Variants in RP1L1 observed in about 807,000 individuals in gnomAD.
RP1L1 encodes the protein RP1 like 1, also known as retinitis pigmentosa 1-like 1 protein.
In RP1L1, 27 loss-of-function variants were observed where a neutral mutation model predicts 15.7. The observed-to-expected ratio is 1.72, with a 90% CI of 1.27 to 2.38. The LOEUF (loss-of-function observed/expected upper bound fraction) is 2.38. RP1L1 is among the 30% of genes most tolerant of loss of function. The pLI, the probability that RP1L1 is intolerant of heterozygous loss-of-function variation, is 0.00. For missense variants in RP1L1, 4,798 were observed against 3,075.9 expected, an observed-to-expected ratio of 1.56 and a Z score of -13.24; for synonymous variants, 1,813 against 1,276.7, an observed-to-expected ratio of 1.42 and a Z score of -8.96.
rs201130197 is a variant in RP1L1, at chr8:10,633,657, AC to A, written c.-19-10438del. Among the ~76,000 whole-genome samples, 985 of 152,196 alleles carry A rather than the reference AC, an allele frequency of 6.5e-3. 14 individuals are homozygous for A. Among genetic ancestry groups the A allele is most frequent in the African/African-American group, 0.021 (889 of 41,524 alleles). ...TGTTCTGTGGTCATCATTTGAGTCC[AC>A]CATCCACCCAGAGCACCAGGAGGAC... On this transcript the variant is annotated intron_variant, in intron 1 of 3. Coordinates refer to ENST00000382483, the MANE Select transcript of RP1L1 (RefSeq NM_178857.6).
rs371814745 is a variant in RP1L1 at position 10,606,972 on chromosome 8, G to C, written c.7126C>G (p.Gln2376Glu). Reference protein sequence around the residue: ...ASEGYDLQEDQALGSLAPTEA... With the variant: ...ASEGYDLQEDEALGSLAPTEA... ...GTGGGGGCGAGACTTCCGAGTGCCT[G>C]GTCCTCTTGTAGGTCATAACCTTCA... Residue 2376 changes from glutamine (Q) to glutamate (E), a missense_variant, in exon 4 of 4, where the codon CAG becomes GAG. Physicochemically the swap from Gln to Glu is conservative, Grantham distance 29. Coordinates refer to ENST00000382483, the MANE Select transcript of RP1L1 (RefSeq NM_178857.6). 13 of 1,614,114 alleles carry C rather than the reference G, an allele frequency of 8.1e-6. No homozygotes were observed. Among genetic ancestry groups the C allele is most frequent in the Middle Eastern group, 3.3e-4 (2 of 6,084 alleles).
chr8:10,608,926 C>T lies in RP1L1; in HGVS notation c.5172G>A (p.Gln1724=). The T allele has an allele frequency of 6.2e-7, 1 of 1,614,134 alleles. No homozygotes were observed. Among genetic ancestry groups the T allele is most frequent in the South Asian group, 1.1e-5 (1 of 91,072 alleles). ...HTDPTSTRTV[Q]GAEGGLGPGL... The stretch of plus-strand genomic sequence containing the variant: ...CCGGCCCCAGCCCTCCCTCAGCTCC[C>T]TGGACAGTCCTAGTGCTCGTGGGGT... Residue 1724 remains glutamine (Q), a synonymous_variant, in exon 4 of 4, where the codon CAG becomes CAA. Transcript: ENST00000382483.
intron 2 of RP1L1, among the ~76,000 whole-genome samples, chr8:10,620,435 A>C (rs1455730337): frequency 2.0e-5 from 3 of 152,162 alleles, no homozygotes; most frequent in Non-Finnish European, 4.4e-5. Flanking sequence ...GTGAAACTCC[A>C]TCTCTACTAA....
At chr8:10,619,744 T>C (rs572675478) in intron 2 of RP1L1, among the ~76,000 whole-genome samples, 6 of 151,818 alleles carry the variant, frequency 4.0e-5, no homozygotes, top group Non-Finnish European at 5.9e-5. Context: ...CTGGCCAACA[T>C]GGTGAAACCG....
At chr8:10,642,464 C>T (rs908568188) in intron 1 of RP1L1, among the ~76,000 whole-genome samples, 1 of 152,148 alleles carries the variant, frequency 6.6e-6, no homozygotes, top group Admixed American at 6.5e-5. Flanking sequence ...AACGCGTATG[C>T]GATGGTTGGG....
intron 1 of RP1L1, among the ~76,000 whole-genome samples, chr8:10,630,099 G>T (rs1047985799): frequency 1.3e-5 from 2 of 152,228 alleles, no homozygotes; most frequent in South Asian, 4.1e-4. Flanking sequence ...GTCAAGTCAA[G>T]AGGGCTTAGC....
rs1798223547 is a variant in RP1L1 at position 10,630,413 on chromosome 8, A to T, written c.-19-7193T>A. Among the ~76,000 whole-genome samples, 2 of 152,244 alleles carry T rather than the reference A, an allele frequency of 1.3e-5. 1 individual carries two copies. The highest frequency in any genetic ancestry group is 4.1e-4 in the South Asian group (2 of 4,834). ...CTACACACGCAGAGAGCTGGGAGGA[A>T]GGGATGGCAGAGATGTCACTCTCAG... On this transcript the variant is annotated intron_variant, in intron 1 of 3. Coordinates refer to ENST00000382483, the MANE Select transcript of RP1L1 (RefSeq NM_178857.6).
chr8:10,610,084 T>A lies in RP1L1; in HGVS notation c.4014A>T (p.Leu1338Phe). Residue 1338 changes from leucine to phenylalanine, a missense_variant, in exon 4 of 4, where the codon TTA becomes TTT. Transcript: ENST00000382483. ...EEGLQEEGVQLEETKETEGEG... is the reference protein window; with the variant it reads ...EEGLQEEGVQFEETKETEGEG... The stretch of plus-strand genomic sequence containing the variant: ...CTCCTTCTGTTTCTTTAGTTTCCTC[T>A]AACTGCACCCCCTCTTCTTGCAGCC... 1.3e-6 allele frequency: 2 copies of A among 1,486,398 alleles called. 1 individual carries two copies. Among genetic ancestry groups the A allele is most frequent in the East Asian group, 5.8e-5 (2 of 34,640 alleles). 92.1% of individuals were successfully genotyped at this position (1,486,398 alleles called of 1,614,324 possible).
In RP1L1 at chr8:10,608,282, T is replaced by G. The variant is rs1358035606; in HGVS notation, c.5816A>C (p.Glu1939Ala). ...GEDEPESEGAEAQEAEEAAQE... is the reference protein window; with the variant it reads ...GEDEPESEGAAAQEAEEAAQE... ...GGCCGCCTCTTCTGCCTCTTGGGCC[T>G]CTGCACCTTCTGACTCTGGCTCGTC... The change falls in exon 4 of 4, where the codon GAG becomes GCG. Residue 1939 changes from glutamate to alanine, a missense_variant. Transcript: ENST00000382483. The G allele has an allele frequency of 6.3e-7, 1 of 1,597,528 alleles. No individual in the cohort carries two copies. Among genetic ancestry groups the G allele is most frequent in the African/African-American group, 1.3e-5 (1 of 74,272 alleles).
At chr8:10,619,681 C>T (rs1260543458) in intron 2 of RP1L1, among the ~76,000 whole-genome samples, 1 of 152,130 alleles carries the variant, frequency 6.6e-6, no homozygotes, top group Admixed American at 6.5e-5. Flanking sequence ...AATCCCAGCA[C>T]TTTAGAATGC....
intron 1 of RP1L1, among the ~76,000 whole-genome samples, chr8:10,633,730 G>C (rs570938620): frequency 6.6e-6 from 1 of 152,262 alleles, no homozygotes; most frequent in Admixed American, 6.5e-5. Flanking sequence ...ACGTTCTCCA[G>C]ACCTAAGTAC....
At position 10,610,650 on chromosome 8, in the gene RP1L1, G is replaced by T. The variant is rs759190301; in HGVS notation, c.3448C>A (p.Leu1150Met). 1 of 1,612,288 alleles carries T rather than the reference G, an allele frequency of 6.2e-7. No individual in the cohort carries two copies. Among genetic ancestry groups the T allele is most frequent in the South Asian group, 1.1e-5 (1 of 90,910 alleles). ...RFKDSPRYQE[L>M]LSISKDLWPG... ...CACAGGTCCTTCGAGATGCTGAGCA[G>T]CTCCTGGTACCGAGGGGAGTCTTTG... The change falls in exon 4 of 4, where the codon CTG (leucine) becomes ATG (methionine). Residue 1150 changes from leucine to methionine, a missense_variant. By Grantham distance (15) the Leu-to-Met change is conservative. Coordinates refer to ENST00000382483, the MANE Select transcript of RP1L1 (RefSeq NM_178857.6).
intron 1 of RP1L1, among the ~76,000 whole-genome samples, chr8:10,637,045 G>T (rs1186076679): frequency 2.0e-5 from 3 of 152,238 alleles, no homozygotes; most frequent in African/African-American, 7.2e-5. Flanking sequence ...TCTCAGGTGG[G>T]CCTTGCAGTA....
At chr8:10,641,148 A>G (rs1173625885) in intron 1 of RP1L1, among the ~76,000 whole-genome samples, 1 of 152,218 alleles carries the variant, frequency 6.6e-6, no homozygotes, top group African/African-American at 2.4e-5. Flanking sequence ...TCATCCCATC[A>G]TGGGCCATGT....
At chr8:10,622,431 G>A (rs548768542) in intron 2 of RP1L1, among the ~76,000 whole-genome samples, 162 bp downstream of exon 2, 4 of 151,682 alleles carry the variant, frequency 2.6e-5, no homozygotes, top group Non-Finnish European at 4.4e-5. Flanking sequence ...GCTGCTTGTT[G>A]ATTTATTGAC....
In RP1L1 at chr8:10,609,859, G is replaced by A. The variant is rs772927494; in HGVS notation, c.4239C>T (p.Ala1413=). The A allele has an allele frequency of 6.2e-7, 1 of 1,613,662 alleles. No homozygotes were observed. The highest frequency in any genetic ancestry group is 2.2e-5 in the East Asian group (1 of 44,868). The change falls in exon 4 of 4, where the codon GCC becomes GCT. Residue 1413 remains alanine, a synonymous_variant. Coordinates refer to ENST00000382483, the MANE Select transcript of RP1L1 (RefSeq NM_178857.6). ...GSVHGQELSE[A]SSPDGKGSQE... ...GGGAGCCTTTCCCATCCGGAGAGCT[G>A]GCCTCTGACAATTCCTGCCCGTGGA...
chr8:10,649,731 A>G (rs1798531195), intron 1 of RP1L1, among the ~76,000 whole-genome samples: 1 of 152,170 alleles, frequency 6.6e-6, no homozygotes, highest in South Asian at 2.1e-4. Flanking sequence ...ACACAAAAGA[A>G]TTAGCTGGAA....
Position 10,613,023 on chromosome 8 carries a change from G to C in RP1L1, c.1075C>G (p.Leu359Val), listed in dbSNP as rs538366020. ...CAGCAGAGGGGGTCTACCTCCCCCAGAACGGGGTCTTCCCCACTGGCTGCC... is the reference window on the plus strand; with the variant it reads ...CAGCAGAGGGGGTCTACCTCCCCCACAACGGGGTCTTCCCCACTGGCTGCC... Reference protein sequence around the residue: ...LTAASGEDPVLGEVDPLCCVW... With the variant: ...LTAASGEDPVVGEVDPLCCVW... Residue 359 changes from leucine (L) to valine (V), a missense_variant, in exon 4 of 4, where the codon CTG (leucine) becomes GTG (valine). Physicochemically the swap from Leu to Val is conservative, Grantham distance 32. Coordinates refer to ENST00000382483, the MANE Select transcript of RP1L1 (RefSeq NM_178857.6). 5.6e-6 allele frequency: 9 copies of C among 1,613,502 alleles called. No individual in the cohort carries two copies. The East Asian group carries it at 1.3e-4, about 24-fold the overall frequency.
chr8:10,616,718 T>G (rs1797972832), intron 2 of RP1L1, 131 bp from the exon 3 acceptor site: 2 of 1,080,322 alleles, frequency 1.9e-6, no homozygotes, highest in African/African-American at 1.6e-5. Flanking sequence ...AGACTCCTGG[T>G]CCAAGGAGGG....
Sources: gnomAD v4.1 joint callset for allele counts (sites outside exome capture counted in the v4.1 genomes callset) on GRCh38, gnomAD v4.1.1 for gene constraint, MANE v1.5 for transcripts, NCBI Gene and HGNC (gene_info 2026-07-23, HGNC 2026-07-21) for gene names.